Variants in SFRP1 observed in about 807,000 individuals in gnomAD.
The protein encoded by SFRP1 is secreted frizzled related protein 1.
In SFRP1, 9 loss-of-function variants were observed where a neutral mutation model predicts 25.9. That is an observed-to-expected ratio of 0.35 (90% CI 0.21 to 0.61). SFRP1 has a LOEUF of 0.61. SFRP1 is among the 20% of genes least tolerant of loss of function. The pLI is 0.78. For missense variants in SFRP1, 346 were observed against 418.2 expected (o/e 0.83, Z 1.51); for synonymous variants, 178 against 174.0 (o/e 1.02, Z -0.18).
intron 2 of SFRP1, among the ~76,000 whole-genome samples, chr8:41,284,712 AG>A (rs1361916598): frequency 1.3e-5 from 2 of 152,266 alleles, no homozygotes; most frequent in East Asian, 3.9e-4. Context: ...GCGTAGGGGG[AG>A]GGGTCTCCCC....
At chr8:41,290,589 G>A (rs921001966) in intron 2 of SFRP1, among the ~76,000 whole-genome samples, 12 of 152,132 alleles carry the variant, frequency 7.9e-5, no homozygotes, top group Admixed American at 2.0e-4. Flanking sequence ...CAGGTGTCCC[G>A]GGGGCACTGA....
In SFRP1 at chr8:41,264,916, T is replaced by C; in HGVS notation, c.*251A>G. ...CCTCCTCCTGTGCAGTGGCTGCTGC[T>C]CCACATTGCGGATCTTAAAAACCTT... On this transcript the variant is annotated 3_prime_UTR_variant, in exon 3 of 3. Transcript: ENST00000220772. 1 of 454,688 alleles carries C rather than the reference T, an allele frequency of 2.2e-6. No individual in the cohort carries two copies. The highest frequency in any genetic ancestry group is 4.3e-5 in the South Asian group (1 of 23,334). 28.2% of individuals were successfully genotyped at this position (454,688 alleles called of 1,614,324 possible). A position where few individuals can be genotyped will look rare whatever the true frequency, so the allele number is the denominator to read the frequency against.
intron 2 of SFRP1, among the ~76,000 whole-genome samples, chr8:41,287,806 A>G (rs766202340): frequency 1.3e-5 from 2 of 152,220 alleles, no homozygotes; most frequent in Non-Finnish European, 2.9e-5. Flanking sequence ...AGCATGTGTC[A>G]CAAATGCTTT....
rs547411464 is a variant in SFRP1, at chr8:41,309,387, C to T, written c.-228G>A. 1 of 239,118 alleles carries T rather than the reference C, an allele frequency of 4.2e-6. No individual in the cohort carries two copies. Among genetic ancestry groups the T allele is most frequent in the South Asian group, 1.5e-4 (1 of 6,784 alleles). The allele number at this position is 239,118 out of a possible 1,614,324, so 14.8% of individuals were successfully genotyped here. A position where few individuals can be genotyped will look rare whatever the true frequency, so the allele number is the denominator to read the frequency against. On this transcript the variant is annotated 5_prime_UTR_variant, in exon 1 of 3. Transcript: ENST00000220772. ...AGGCGGCGCTGCGGGCTGGGTGCGC[C>T]CCGGCTCCCGGAGGTGCGGCGAGCA...
intron 2 of SFRP1, among the ~76,000 whole-genome samples, chr8:41,296,016 G>GT (rs1278688361): frequency 6.6e-6 from 1 of 152,252 alleles, no homozygotes; most frequent in East Asian, 1.9e-4. Flanking sequence ...GGTGCCAGCA[G>GT]TAAGAGGCAC....
intron 2 of SFRP1, among the ~76,000 whole-genome samples, chr8:41,284,408 A>G: frequency 6.7e-6 from 1 of 149,488 alleles, no homozygotes; most frequent in Non-Finnish European, 1.5e-5. Flanking sequence ...CCCCTCCCAC[A>G]TTGCTGGAGG....
At chr8:41,294,171 TGGAGTACCACA>T (rs1563365104) in intron 2 of SFRP1, among the ~76,000 whole-genome samples, 1 of 152,182 alleles carries the variant, frequency 6.6e-6, no homozygotes, top group East Asian at 1.9e-4. Flanking sequence ...AGCCGCCCTA[TGGAGTACCACA>T]GGAGGGAATG....
intron 2 of SFRP1, among the ~76,000 whole-genome samples, chr8:41,289,638 C>T (rs967084730): frequency 6.6e-6 from 1 of 152,198 alleles, no homozygotes; most frequent in Non-Finnish European, 1.5e-5. Context: ...CTGCTAACCG[C>T]TGGAATCCTC....
chr8:41,275,744 C>T (rs543304358), intron 2 of SFRP1, among the ~76,000 whole-genome samples: 72 of 150,788 alleles, frequency 4.8e-4, no homozygotes, highest in African/African-American at 9.5e-4. Flanking sequence ...CCTCGTGATC[C>T]GAGACTGGCA....
intron 2 of SFRP1, among the ~76,000 whole-genome samples, chr8:41,276,135 C>T (rs1803569662): frequency 6.6e-6 from 1 of 152,172 alleles, no homozygotes; most frequent in African/African-American, 2.4e-5. Context: ...TGGGCCTGCT[C>T]CACCCCTCCT....
rs964555978 is a variant in SFRP1 at position 41,261,962 on chromosome 8, T to C, written c.*3205A>G. ...AAAAAAGTCACAGCTCACAGTATCA[T>C]TGATTAATTGAGTGATTTTAGTCAA... On this transcript the variant is annotated 3_prime_UTR_variant, in exon 3 of 3. Transcript: ENST00000220772. The C allele has an allele frequency of 1.3e-5, 2 of 152,216 alleles. No individual in the cohort carries two copies. The highest frequency in any genetic ancestry group is 6.5e-5 in the Admixed American group (1 of 15,280). The allele number at this position is 152,216 out of a possible 1,614,324, so 9.4% of individuals were successfully genotyped here.
intron 2 of SFRP1, among the ~76,000 whole-genome samples, chr8:41,279,358 G>A (rs955328413): frequency 2.6e-5 from 4 of 152,084 alleles, no homozygotes; most frequent in Middle Eastern, 3.2e-3. Context: ...TGCCCAGGCC[G>A]GGGTCTGGTC....
chr8:41,282,033 C>T (rs1237097905), intron 2 of SFRP1, among the ~76,000 whole-genome samples: 1 of 152,166 alleles, frequency 6.6e-6, no homozygotes, highest in Non-Finnish European at 1.5e-5. Context: ...GGGCCAAGGG[C>T]GCAAAAGGTG....
chr8:41,286,202 G>C (rs1256553043), intron 2 of SFRP1, among the ~76,000 whole-genome samples: 1 of 152,126 alleles, frequency 6.6e-6, no homozygotes, highest in Non-Finnish European at 1.5e-5. Context: ...CCGACTTCGA[G>C]TAATCATCCA....
chr8:41,301,848 G>C (rs1488961686), intron 2 of SFRP1, among the ~76,000 whole-genome samples: 1 of 152,156 alleles, frequency 6.6e-6, no homozygotes, highest in Non-Finnish European at 1.5e-5. Context: ...CCTCTTCTGT[G>C]TACAGAACGC....
chr8:41,306,794 G>C, intron 1 of SFRP1: 1 of 1,598,172 alleles, frequency 6.3e-7, no homozygotes, highest in Non-Finnish European at 8.5e-7. Context: ...GCCGACCAGT[G>C]GAACTGCAGC....
chr8:41,308,544 C>T, intron 1 of SFRP1, 72 bp downstream of exon 1: 1 of 1,279,602 alleles, frequency 7.8e-7, no homozygotes, highest in Non-Finnish European at 1.1e-6. Flanking sequence ...CGTAGGGTGG[C>T]GCGGGTTCTC....
chr8:41,302,236 G>A (rs1456321580), intron 2 of SFRP1, among the ~76,000 whole-genome samples: 1 of 152,164 alleles, frequency 6.6e-6, no homozygotes, highest in African/African-American at 2.4e-5. Flanking sequence ...CATGGAAACA[G>A]GATACGCGCT....
At chr8:41,278,940 G>A (rs1324164509) in intron 2 of SFRP1, among the ~76,000 whole-genome samples, 1 of 152,018 alleles carries the variant, frequency 6.6e-6, no homozygotes. Flanking sequence ...CTGAAGGAAG[G>A]GGGTGCAGGT....
Sources: allele counts gnomAD v4.1 joint callset (sites outside exome capture counted in the v4.1 genomes callset), GRCh38; gene constraint gnomAD v4.1.1; transcripts MANE v1.5; gene names NCBI Gene and HGNC (gene_info 2026-07-23, HGNC 2026-07-21).